Variants in CTRL observed in about 807,000 individuals in gnomAD.
CTRL encodes the protein chymotrypsin like, also known as chymotrypsin-like protease CTRL-1.
In CTRL, 38 loss-of-function variants were observed where a neutral mutation model predicts 35.5. The ratio of observed to expected loss-of-function variants is 1.07; its 90% CI spans 0.83 to 1.40. The LOEUF (loss-of-function observed/expected upper bound fraction) is 1.40, where lower values mean the gene tolerates loss of function less well. Ranked by LOEUF, CTRL falls within the 40% of genes most tolerant of loss-of-function variation. The pLI is 0.00. For missense variants in CTRL, 327 were observed against 342.9 expected (o/e 0.95, Z 0.37); for synonymous variants, 155 against 141.1 (o/e 1.10, Z -0.70).
chr16:67,930,413 C>A lies in CTRL; in HGVS notation c.494G>T (p.Gly165Val), dbSNP rs1216323452. 1.9e-6 allele frequency: 3 copies of A among 1,613,754 alleles called. No homozygotes were observed. Among genetic ancestry groups the A allele is most frequent in the Non-Finnish European group, 8.5e-7 (1 of 1,179,840 alleles). ...GCTTTGGCCTGAGTCCCTACCCACG[C>A]CACTGAGGCGACCCCAGCCGGTGGT... ...CVTTGWGRLSGVGNVTPAHLQ... is the reference protein window; with the variant it reads ...CVTTGWGRLSVVGNVTPAHLQ... The change falls in exon 5 of 7, where the codon GGC (glycine) becomes GTC (valine). Residue 165 changes from glycine to valine, a missense_variant. Physicochemically the swap from Gly to Val is moderately radical, Grantham distance 109. Transcript: ENST00000574481. The surrounding 1 kb of genome is among the most constrained non-coding windows in gnomAD (Gnocchi z 4.3).
rs935198942 is a variant in CTRL at position 67,929,694 on chromosome 16, T to A, written c.*240A>T. 3.6e-6 allele frequency: 2 copies of A among 553,046 alleles called. No individual in the cohort carries two copies. Among genetic ancestry groups the A allele is most frequent in the Admixed American group, 6.1e-5 (2 of 32,542 alleles). 34.3% of individuals were successfully genotyped at this position (553,046 alleles called of 1,614,324 possible). On this transcript the variant is annotated 3_prime_UTR_variant, in exon 7 of 7. Coordinates refer to ENST00000574481, the MANE Select transcript of CTRL (RefSeq NM_001907.3). ...CATTCCAACAGTTCTGGCTTCTTGCTGTAGGACCAAGGGGTTGCCCTGGAG... is the reference window on the plus strand; with the variant it reads ...CATTCCAACAGTTCTGGCTTCTTGCAGTAGGACCAAGGGGTTGCCCTGGAG...
chr16:67,930,082 C>T lies in CTRL; in HGVS notation c.647G>A (p.Gly216Asp), dbSNP rs746601956. 2.0e-5 allele frequency: 33 copies of T among 1,613,932 alleles called. No homozygotes were observed. Among genetic ancestry groups the T allele is most frequent in the Non-Finnish European group, 2.7e-5 (32 of 1,179,992 alleles). Reference sequence around the variant, plus strand: ...GTTTCCCTTCTGGCAGACAAGAGGGCCTCCGGAGTCACCCTGAGAGGGAAG... The same window carrying T: ...GTTTCCCTTCTGGCAGACAAGAGGGTCTCCGGAGTCACCCTGAGAGGGAAG... ...GASSCQGDSG[G>D]PLVCQKGNTW... The change falls in exon 7 of 7, where the codon GGC becomes GAC. Residue 216 changes from glycine (G) to aspartate (D), a missense_variant. By Grantham distance (94) the Gly-to-Asp change is moderately conservative. Transcript: ENST00000574481. This position sits in a 1 kb window ranked among gnomAD's most constrained non-coding sequence, Gnocchi z 4.3.
rs200180034 is a variant in CTRL at position 67,930,734 on chromosome 16, C to G, written c.310G>C (p.Val104Leu). 1.1e-5 allele frequency: 18 copies of G among 1,613,886 alleles called. No individual in the cohort carries two copies. The highest frequency in any genetic ancestry group is 3.3e-4 in the Middle Eastern group (2 of 6,084). The stretch of plus-strand genomic sequence containing the variant: ...GCAGCCCAGGCACTCACCCGAGAGA[C>G]GGACAGAACCTGCAAGGGCTCTGCG... ...SNAEPLQVLS[V>L]SRAITHPSWN... Residue 104 changes from valine to leucine, a missense_variant, in exon 4 of 7, where the codon GTC becomes CTC. Val to Leu is a conservative substitution (Grantham distance 32). Coordinates refer to ENST00000574481, the MANE Select transcript of CTRL (RefSeq NM_001907.3). The surrounding 1 kb of genome is among the most constrained non-coding windows in gnomAD (Gnocchi z 4.3).
chr16:67,929,948 T>C lies in CTRL; in HGVS notation c.781A>G (p.Ile261Val). The change falls in exon 7 of 7, where the codon ATA (isoleucine) becomes GTA (valine). Residue 261 changes from isoleucine (I) to valine (V), a missense_variant. By Grantham distance (29) the Ile-to-Val change is conservative (BLOSUM62 3). Coordinates refer to ENST00000574481, the MANE Select transcript of CTRL (RefSeq NM_001907.3). ...SKFSTWINQV[I>V]AYN Reference sequence around the variant, plus strand: ...CTGTGGTGAGCTCAGTTGTAGGCTATGACCTGGTTGATCCAGGTGCTGAAC... The same window carrying C: ...CTGTGGTGAGCTCAGTTGTAGGCTACGACCTGGTTGATCCAGGTGCTGAAC... 2 of 1,614,172 alleles carry C rather than the reference T, an allele frequency of 1.2e-6. No homozygotes were observed. Among genetic ancestry groups the C allele is most frequent in the Non-Finnish European group, 1.7e-6 (2 of 1,180,004 alleles).
intron 1 of CTRL, 84 bp from the exon 2 acceptor site, chr16:67,931,285 C>A (rs2058240606): frequency 2.2e-6 from 3 of 1,384,448 alleles, no homozygotes; most frequent in East Asian, 2.3e-5. Context: ...AGGCTGTGCA[C>A]CCCAGAGAGG....
chr16:67,931,242 G>A (rs1220873267), intron 1 of CTRL, 41 bp from the exon 2 acceptor site: 2 of 1,604,430 alleles, frequency 1.2e-6, no homozygotes, highest in African/African-American at 1.3e-5. Context: ...CCATGCCTCA[G>A]CCCATCTTTC....
Position 67,930,406 on chromosome 16 carries a change from A to C in CTRL, c.499+2T>G, listed in dbSNP as rs2058235363. The C allele has an allele frequency of 1.2e-6, 2 of 1,613,350 alleles. No individual in the cohort carries two copies. Among genetic ancestry groups the C allele is most frequent in the Non-Finnish European group, 1.7e-6 (2 of 1,179,490 alleles). ...ACCCTGAGCTTTGGCCTGAGTCCCT[A>C]CCCACGCCACTGAGGCGACCCCAGC... On this transcript the variant is annotated splice_donor_variant, in intron 5 of 6. Transcript: ENST00000574481. LOFTEE classifies it high-confidence loss of function. This position sits in a 1 kb window ranked among gnomAD's most constrained non-coding sequence, Gnocchi z 4.3.
rs556049851 is a variant in CTRL at position 67,930,720 on chromosome 16, ACT to A, written c.318+4_318+5del. ...TTTCCTCCGTGTCTGCAGCCCAGGC[ACT>A]CACCCGAGAGACGGACAGAACCTGC... On this transcript the variant is annotated splice_donor_5th_base_variant and intron_variant, in intron 4 of 6. Coordinates refer to ENST00000574481, the MANE Select transcript of CTRL (RefSeq NM_001907.3). The surrounding 1 kb of genome is among the most constrained non-coding windows in gnomAD (Gnocchi z 4.3). 9.0e-5 allele frequency: 146 copies of A among 1,613,590 alleles called. 2 individuals are homozygous for A. The South Asian group carries it at 1.6e-3, about 17-fold the overall frequency.
At position 67,931,093 on chromosome 16, in the gene CTRL, T is replaced by C. The variant is rs1300812858; in HGVS notation, c.156+5A>G. 6.2e-7 allele frequency: 1 copy of C among 1,613,896 alleles called. No homozygotes were observed. On this transcript the variant is annotated splice_donor_5th_base_variant and intron_variant, in intron 2 of 6. Transcript: ENST00000574481. ...AGGACCCTGCCCACCCCTCTGGTGG[T>C]GTACCTGCAGGGACACCTGCCAGGG...
At position 67,931,708 on chromosome 16, in the gene CTRL, G is replaced by T. The variant is rs941311797; in HGVS notation, c.52+93C>A. On this transcript the variant is annotated intron_variant, in intron 1 of 6. Transcript: ENST00000574481. ...TCTTTTGCCCACTCTGTCCACCTTC[G>T]TCCCTTCCAGCCAGCCTAGCTCCTT... is the stretch of plus-strand genomic sequence containing the variant. 3 of 1,426,452 alleles carry T rather than the reference G, an allele frequency of 2.1e-6. No homozygotes were observed. The African/African-American group carries it at 4.3e-5, about 20-fold the overall frequency. The allele number at this position is 1,426,452 out of a possible 1,614,324, so 88.4% of individuals were successfully genotyped here.
At position 67,930,955 on chromosome 16, in the gene CTRL, C is replaced by G; in HGVS notation, c.201G>C (p.Gln67His). ...AGTGGGCAGCAGTGACCACCCAGGA[C>G]TGGCTGATGAGAGAACCACCGCAGA... ...FHFCGGSLIS[Q>H]SWVVTAAHCN... The change falls in exon 3 of 7, where the codon CAG becomes CAC. Residue 67 changes from glutamine to histidine, a missense_variant. By Grantham distance (24) the Gln-to-His change is conservative. Coordinates refer to ENST00000574481, the MANE Select transcript of CTRL (RefSeq NM_001907.3). This position sits in a 1 kb window ranked among gnomAD's most constrained non-coding sequence, Gnocchi z 4.3. 1 of 1,613,816 alleles carries G rather than the reference C, an allele frequency of 6.2e-7. No individual in the cohort carries two copies. Among genetic ancestry groups the G allele is most frequent in the Non-Finnish European group, 8.5e-7 (1 of 1,180,006 alleles).
At position 67,930,306 on chromosome 16, in the gene CTRL, GGT is replaced by G; in HGVS notation, c.510_511del (p.Pro171SerfsTer26). The G allele has an allele frequency of 6.2e-7, 1 of 1,614,006 alleles. No homozygotes were observed. Among genetic ancestry groups the G allele is most frequent in the Non-Finnish European group, 8.5e-7 (1 of 1,180,018 alleles). ...CAAAGCCACCTGCTGCAGATGTGCTGGTGTCACATTGCCTGTGGGCCAGGAGG... is the reference window on the plus strand; with the variant it reads ...CAAAGCCACCTGCTGCAGATGTGCTGGTCACATTGCCTGTGGGCCAGGAGG... On this transcript the variant is annotated frameshift_variant, in exon 6 of 7. Coordinates refer to ENST00000574481, the MANE Select transcript of CTRL (RefSeq NM_001907.3). LOFTEE classifies it high-confidence loss of function. The surrounding 1 kb of genome is among the most constrained non-coding windows in gnomAD (Gnocchi z 4.3).
chr16:67,931,551 C>T, intron 1 of CTRL: 2 of 592,096 alleles, frequency 3.4e-6, no homozygotes, highest in Non-Finnish European at 6.0e-6. Flanking sequence ...CTTCCTGTCT[C>T]AGCTTCCTAA....
At chr16:67,931,756 G>T (rs1452805916) in intron 1 of CTRL, 45 bp downstream of exon 1, 1 of 1,547,486 alleles carries the variant, frequency 6.5e-7, no homozygotes, top group South Asian at 1.2e-5. Flanking sequence ...GCTGGGAGCT[G>T]AGTTGCTCCC....
chr16:67,929,993 C>G lies in CTRL; in HGVS notation c.736G>C (p.Val246Leu). 6.2e-7 allele frequency: 1 copy of G among 1,614,184 alleles called. No homozygotes were observed. The highest frequency in any genetic ancestry group is 8.5e-7 in the Non-Finnish European group (1 of 1,180,026). Residue 246 changes from valine to leucine, a missense_variant, in exon 7 of 7, where the codon GTG (valine) becomes CTG (leucine). Transcript: ENST00000574481. ...TKNCNVRAPA[V>L]YTRVSKFSTW... ...CTGAACTTGCTAACTCGAGTATACA[C>G]AGCAGGTGCGCGCACATTGCAGTTT...
At chr16:67,931,277 G>T in intron 1 of CTRL, 76 bp from the exon 2 acceptor site, 11 of 1,442,664 alleles carry the variant, frequency 7.6e-6, no homozygotes, top group Non-Finnish European at 1.1e-5. Context: ...GGTGCCCCAG[G>T]CTGTGCACCC....
rs1894043188 is a variant in CTRL, at chr16:67,929,676, A to G, written c.*258T>C. The G allele has an allele frequency of 9.7e-6, 5 of 516,512 alleles. No homozygotes were observed. The South Asian group carries it at 1.3e-4, about 14-fold the overall frequency. The allele number at this position is 516,512 out of a possible 1,614,324, so 32.0% of individuals were successfully genotyped here. On this transcript the variant is annotated 3_prime_UTR_variant, in exon 7 of 7. Coordinates refer to ENST00000574481, the MANE Select transcript of CTRL (RefSeq NM_001907.3). ...CCAGGGAGGGCTGCCATTCATTCCA[A>G]CAGTTCTGGCTTCTTGCTGTAGGAC...
Position 67,929,833 on chromosome 16 carries a change from C to T in CTRL, c.*101G>A. 7.4e-7 allele frequency: 1 copy of T among 1,348,112 alleles called. No individual in the cohort carries two copies. The highest frequency in any genetic ancestry group is 1.0e-6 in the Non-Finnish European group (1 of 971,412). 83.5% of individuals were successfully genotyped at this position (1,348,112 alleles called of 1,614,324 possible). A position where few individuals can be genotyped will look rare whatever the true frequency, so the allele number is the denominator to read the frequency against. ...TCCAAGTAGGGAGTCGGACCCTCAA[C>T]AGCCTCTTCTTTCTCCTGAGCCAGG... On this transcript the variant is annotated 3_prime_UTR_variant, in exon 7 of 7. Coordinates refer to ENST00000574481, the MANE Select transcript of CTRL (RefSeq NM_001907.3).
intron 1 of CTRL, 129 bp from the exon 2 acceptor site, chr16:67,931,330 A>G: frequency 3.5e-6 from 3 of 846,808 alleles, no homozygotes; most frequent in Non-Finnish European, 5.7e-6. Flanking sequence ...CCCTTCCCCA[A>G]CAGGGTACAT....
Sources: gnomAD v4.1 joint callset for allele counts on GRCh38, gnomAD v4.1.1 for gene constraint, Gnocchi (gnomAD v3.1) non-coding constraint, MANE v1.5 for transcripts, NCBI Gene and HGNC (gene_info 2026-07-23, HGNC 2026-07-21) for gene names.